AGMO: variants seen among roughly 807,000 people sequenced by gnomAD.
AGMO encodes the protein glyceryl-ether monooxygenase.
A neutral mutation model predicts 60.2 loss-of-function variants in AGMO; 75 were observed. The observed-to-expected ratio is 1.25, with a 90% CI of 1.03 to 1.51. The LOEUF is 1.51. AGMO is among the 40% of genes most tolerant of loss of function. The probability of loss-of-function intolerance (pLI) is 0.00; values close to 1 mark genes in which losing one functional copy is unlikely to be tolerated. For missense variants in AGMO, 763 were observed against 525.5 expected, an observed-to-expected ratio of 1.45 and a Z score of -4.42; for synonymous variants, 261 against 177.1, an observed-to-expected ratio of 1.47 and a Z score of -3.76.
chr7:15,229,762 T>C (rs1170306163), intron 12 of AGMO, among the ~76,000 whole-genome samples: 3 of 147,768 alleles, frequency 2.0e-5, no homozygotes, highest in Admixed American at 1.4e-4. Flanking sequence ...TAATTAGTTA[T>C]ATATATAATT....
chr7:15,188,180 T>C, the AGMO span, among the ~76,000 whole-genome samples: 2 of 152,154 alleles, frequency 1.3e-5, no homozygotes, highest in African/African-American at 2.4e-5. Context: ...CTATGGACTT[T>C]ATTGACCTTT....
At chr7:15,517,771 T>C (rs1783860620) in intron 3 of AGMO, among the ~76,000 whole-genome samples, 1 of 150,674 alleles carries the variant, frequency 6.6e-6, no homozygotes, top group South Asian at 2.1e-4. Flanking sequence ...GCTGCAGGAA[T>C]TTTCCTTTTT....
chr7:15,202,702 A>G (rs1781330243), intron 12 of AGMO, among the ~76,000 whole-genome samples: 1 of 152,138 alleles, frequency 6.6e-6, no homozygotes, highest in East Asian at 1.9e-4. Flanking sequence ...CAAGAATAAT[A>G]TTAACGTCTT....
At position 15,373,132 on chromosome 7, in the gene AGMO, G is replaced by A. The variant is rs147380835; in HGVS notation, c.1075-6910C>T. Reference sequence around the variant, plus strand: ...CACAAAAATAATACAAAAATTATCTGGGCATGGTGGCGGTACTTGCCTTTA... The same window carrying A: ...CACAAAAATAATACAAAAATTATCTAGGCATGGTGGCGGTACTTGCCTTTA... On this transcript the variant is annotated intron_variant, in intron 10 of 12. Coordinates refer to ENST00000342526, the MANE Select transcript of AGMO (RefSeq NM_001004320.2). 1.3e-3 allele frequency among the ~76,000 whole-genome samples: 196 copies of A among 152,048 alleles called. 7 individuals are homozygous for A. The East Asian group carries it at 0.03, about 23-fold the overall frequency.
At chr7:15,528,726 G>A (rs987540485) in intron 3 of AGMO, among the ~76,000 whole-genome samples, 1 of 151,910 alleles carries the variant, frequency 6.6e-6, no homozygotes, top group Admixed American at 6.6e-5. Context: ...TCGGCTCACC[G>A]CAACCTCCGC....
downstream of AGMO, among the ~76,000 whole-genome samples, chr7:15,199,152 T>C (rs1259794667): frequency 1.3e-5 from 2 of 152,162 alleles, no homozygotes; most frequent in Non-Finnish European, 2.9e-5. Flanking sequence ...AGATTTCTCA[T>C]TGTCTTAATT....
At chr7:15,400,757 G>A (rs756350689) in intron 5 of AGMO, among the ~76,000 whole-genome samples, 3 of 152,148 alleles carry the variant, frequency 2.0e-5, no homozygotes, top group Non-Finnish European at 4.4e-5. Context: ...AAATCACAGA[G>A]CAAGGAACTG....
chr7:15,292,908 C>T (rs908003673), intron 12 of AGMO, among the ~76,000 whole-genome samples: 1 of 151,336 alleles, frequency 6.6e-6, no homozygotes, highest in Non-Finnish European at 1.5e-5. Flanking sequence ...CAAGCACCCG[C>T]CACCAAATCC....
intron 12 of AGMO, among the ~76,000 whole-genome samples, chr7:15,305,589 G>C (rs1046126925): frequency 1.3e-5 from 2 of 151,890 alleles, no homozygotes; most frequent in African/African-American, 4.8e-5. Flanking sequence ...ATTTTACTCT[G>C]ACAGAAATTA....
At chr7:15,559,582 G>A (rs1043747810) in intron 2 of AGMO, among the ~76,000 whole-genome samples, 23 of 152,068 alleles carry the variant, frequency 1.5e-4, no homozygotes, top group African/African-American at 4.6e-4. Context: ...GAGAGTGGAC[G>A]ATCCAAAAGC....
intron 2 of AGMO, among the ~76,000 whole-genome samples, chr7:15,547,451 T>C (rs1047428125): frequency 6.6e-6 from 1 of 151,994 alleles, no homozygotes; most frequent in East Asian, 1.9e-4. Flanking sequence ...CGCAGGTCAG[T>C]GGGTGCGCGC....
chr7:15,288,561 T>G (rs1039745746), intron 12 of AGMO, among the ~76,000 whole-genome samples: 1 of 152,080 alleles, frequency 6.6e-6, no homozygotes. Flanking sequence ...AATCAGTCTA[T>G]GTACATATTT....
chr7:15,437,683 C>T lies in AGMO; in HGVS notation c.410-6575G>A, dbSNP rs10233607. Among the ~76,000 whole-genome samples, 632 of 152,088 alleles carry T rather than the reference C, an allele frequency of 4.2e-3. 5 individuals are homozygous for T. The highest frequency in any genetic ancestry group is 0.014 in the African/African-American group (595 of 41,520). ...CCAAGTAGCTGGGATTACAGGCGCC[C>T]GCCACCACGCCAGGCTAATTTTTTG... On this transcript the variant is annotated intron_variant, in intron 3 of 12. Transcript: ENST00000342526.
intron 12 of AGMO, among the ~76,000 whole-genome samples, chr7:15,345,992 C>T (rs1782018677): frequency 6.6e-6 from 1 of 151,976 alleles, no homozygotes; most frequent in Non-Finnish European, 1.5e-5. Context: ...AACGTTAGTA[C>T]AATTATTGAT....
chr7:15,556,975 C>G (rs1412059653), intron 2 of AGMO, among the ~76,000 whole-genome samples: 2 of 151,982 alleles, frequency 1.3e-5, no homozygotes, highest in African/African-American at 4.8e-5. Context: ...AGATCATGGT[C>G]TGTCCAACAG....
intron 3 of AGMO, among the ~76,000 whole-genome samples, chr7:15,475,311 A>G (rs755815691): frequency 6.6e-6 from 1 of 152,190 alleles, no homozygotes; most frequent in Non-Finnish European, 1.5e-5. Flanking sequence ...TCAATGACAG[A>G]CTGGATAAAG....
intron 3 of AGMO, among the ~76,000 whole-genome samples, chr7:15,449,332 T>TTCTCTC (rs71004379): frequency 1.3e-5 from 2 of 149,746 alleles, no homozygotes; most frequent in East Asian, 2.0e-4. Flanking sequence ...GTGCTTCTCT[T>TTCTCTC]TCTCTCTCTC....
At chr7:15,195,465 C>T (rs1333099164), downstream of AGMO, among the ~76,000 whole-genome samples, 1 of 152,200 alleles carries the variant, frequency 6.6e-6, no homozygotes, top group Non-Finnish European at 1.5e-5. Flanking sequence ...GTGACGCTTA[C>T]ATAGTACTGC....
chr7:15,142,280 G>A, the AGMO span, among the ~76,000 whole-genome samples: 10 of 152,128 alleles, frequency 6.6e-5, no homozygotes, highest in African/African-American at 2.4e-4. Context: ...TCCAAAGTTA[G>A]TTATTATTAG....
Sources: gnomAD v4.1 joint callset for allele counts (sites outside exome capture counted in the v4.1 genomes callset) on GRCh38, gnomAD v4.1.1 for gene constraint, MANE v1.5 for transcripts, NCBI Gene and HGNC (gene_info 2026-07-23, HGNC 2026-07-21) for gene names.